FHAD1: variants seen among roughly 807,000 people sequenced by gnomAD.
The protein encoded by FHAD1 is forkhead associated phosphopeptide binding domain 1.
In FHAD1, 146 loss-of-function variants were observed where a neutral mutation model predicts 191.3. The ratio of observed to expected loss-of-function variants is 0.76; its 90% CI spans 0.67 to 0.88. The LOEUF (loss-of-function observed/expected upper bound fraction) is 0.88. Ranked by LOEUF, FHAD1 falls within the 40% of genes least tolerant of loss-of-function variation. FHAD1 has a pLI of 0.00. For synonymous variants in FHAD1, 616 were observed against 672.3 expected (o/e 0.92, Z 1.29); for missense variants, 1,635 against 1,785.8 (o/e 0.92, Z 1.52).
intron 6 of FHAD1, 119 bp from the exon 7 acceptor site, chr1:15,308,493 GT>G (rs1671240358): frequency 7.2e-7 from 1 of 1,392,586 alleles, no homozygotes; most frequent in Non-Finnish European, 9.6e-7. Context: ...AAAAAGCTTG[GT>G]TTCCCCAACA....
At position 15,313,096 on chromosome 1, in the gene FHAD1, A is replaced by T. The variant is rs1296681448; in HGVS notation, c.1079A>T (p.Asp360Val). 1 of 1,551,794 alleles carries T rather than the reference A, an allele frequency of 6.4e-7. No individual in the cohort carries two copies. The highest frequency in any genetic ancestry group is 2.0e-5 in the Admixed American group (1 of 51,006). Residue 360 changes from aspartate to valine, a missense_variant, in exon 8 of 34, where the codon GAT becomes GTT. Coordinates refer to ENST00000688493, the MANE Select transcript of FHAD1 (RefSeq NM_001391957.1). ...SSLQKDILAK[D>V]EQVQQLKEEV... is the part of the protein sequence containing the mutation. ...TTGCAAAAAGACATATTAGCAAAGGATGAGCAAGTTCAACAACTAAAGGAA... is the reference window on the plus strand; with the variant it reads ...TTGCAAAAAGACATATTAGCAAAGGTTGAGCAAGTTCAACAACTAAAGGAA...
chr1:15,352,308 A>G (rs1049258502), intron 19 of FHAD1, among the ~76,000 whole-genome samples: 7 of 152,186 alleles, frequency 4.6e-5, no homozygotes, highest in African/African-American at 1.4e-4. Flanking sequence ...CAGGGCGTGT[A>G]CAGGTGAGTC....
chr1:15,313,374 C>T (rs892537104), intron 8 of FHAD1, among the ~76,000 whole-genome samples, 187 bp downstream of exon 8: 13 of 152,120 alleles, frequency 8.5e-5, no homozygotes, highest in Non-Finnish European at 1.3e-4. Context: ...GAAATGCCTA[C>T]CTAGAAAAAC....
intron 19 of FHAD1, among the ~76,000 whole-genome samples, chr1:15,351,487 T>G (rs72643647): frequency 0.058 from 8,791 of 152,308 alleles, 313 homozygotes; most frequent in Non-Finnish European, 0.086. Flanking sequence ...TTCCTGGTGC[T>G]GTGACCTTGG....
downstream of FHAD1, among the ~76,000 whole-genome samples, chr1:15,401,111 A>C: frequency 6.6e-6 from 1 of 152,174 alleles, no homozygotes; most frequent in Non-Finnish European, 1.5e-5. Flanking sequence ...TGTATCACTC[A>C]AGATCCCTTG....
In FHAD1 at chr1:15,367,641, G is replaced by T; in HGVS notation, c.3314+19G>T. The T allele has an allele frequency of 1.1e-4, 164 of 1,461,032 alleles. No individual in the cohort carries two copies. Among genetic ancestry groups the T allele is most frequent in the Middle Eastern group, 2.5e-4 (1 of 4,068 alleles). 90.5% of individuals were successfully genotyped at this position (1,461,032 alleles called of 1,614,324 possible). On this transcript the variant is annotated intron_variant, in intron 25 of 33. Coordinates refer to ENST00000688493, the MANE Select transcript of FHAD1 (RefSeq NM_001391957.1). ...CACTCAGGTTGGGTGGGCGGGGGCC[G>T]GGTTGGGGGGATGGTTTGCCTGCCG...
chr1:15,324,666 G>C (rs1182003865), intron 11 of FHAD1, 107 bp downstream of exon 11: 5 of 764,444 alleles, frequency 6.5e-6, no homozygotes, highest in South Asian at 1.6e-5. Context: ...AAAGACAGAC[G>C]TGCGTTAATT....
chr1:15,314,635 G>GGGGGTGTA (rs1673463498), intron 8 of FHAD1: 4 of 27,454 alleles, frequency 1.5e-4, no homozygotes, highest in Admixed American at 5.4e-4. Context: ...GAGGATGTAT[G>GGGGGTGTA]TGGGTGTGTG....
At chr1:15,300,021 C>G (rs74435779) in intron 5 of FHAD1, among the ~76,000 whole-genome samples, 1 of 152,218 alleles carries the variant, frequency 6.6e-6, no homozygotes, top group African/African-American at 2.4e-5. Flanking sequence ...ACTGCCCACC[C>G]GCTTCCTTCC....
intron 2 of FHAD1, among the ~76,000 whole-genome samples, chr1:15,268,221 C>G (rs1654407436): frequency 6.8e-6 from 1 of 146,174 alleles, no homozygotes; most frequent in Non-Finnish European, 1.5e-5. Context: ...GTTCAATTCC[C>G]ACCTATGAGT....
At chr1:15,278,426 TG>T (rs1366380996) in intron 3 of FHAD1, among the ~76,000 whole-genome samples, 1 of 150,506 alleles carries the variant, frequency 6.6e-6, no homozygotes, top group Non-Finnish European at 1.5e-5. Flanking sequence ...CTTAGTTAAC[TG>T]AGGAATAGGA....
rs1663577955 is a variant in FHAD1 at position 15,289,142 on chromosome 1, G to A, written c.301-257G>A. 1.3e-5 allele frequency among the ~76,000 whole-genome samples: 2 copies of A among 152,136 alleles called. No individual in the cohort carries two copies. The highest frequency in any genetic ancestry group is 4.1e-4 in the South Asian group (2 of 4,832). On this transcript the variant is annotated intron_variant, in intron 3 of 33. Coordinates refer to ENST00000688493, the MANE Select transcript of FHAD1 (RefSeq NM_001391957.1). The surrounding 1 kb of genome is among the most constrained non-coding windows in gnomAD (Gnocchi z 4.2). ...TGGGACTACAGGCATAGGCCACAAGGCCCAGCTAATTTTTGAATTTTTGGT... is the reference window on the plus strand; with the variant it reads ...TGGGACTACAGGCATAGGCCACAAGACCCAGCTAATTTTTGAATTTTTGGT...
In FHAD1 at chr1:15,251,074, T is replaced by C. The variant is rs1573630886; in HGVS notation, c.-14-697T>C. Among the ~76,000 whole-genome samples the C allele has an allele frequency of 3.3e-5, 5 of 152,042 alleles. No homozygotes were observed. The South Asian group carries it at 1.0e-3, about 32-fold the overall frequency. On this transcript the variant is annotated intron_variant, in intron 1 of 33. Coordinates refer to ENST00000688493, the MANE Select transcript of FHAD1 (RefSeq NM_001391957.1). ...GGGAGGCCAAGGCAGGAGGATTACT[T>C]GAGCTCAAGAGTTTGAGACTAGCCT...
At chr1:15,308,842 C>T in intron 7 of FHAD1, 106 bp downstream of exon 7, 2 of 1,491,842 alleles carry the variant, frequency 1.3e-6, no homozygotes, top group Non-Finnish European at 1.8e-6. Flanking sequence ...CTGAACTTGG[C>T]TGCAGCCTCA....
At chr1:15,360,327 G>A in intron 21 of FHAD1, 151 bp from the exon 22 acceptor site, 1 of 642,284 alleles carries the variant, frequency 1.6e-6, no homozygotes, top group Non-Finnish European at 2.7e-6. Context: ...CAAGGAGCTG[G>A]GGAAGAAGTG....
At chr1:15,402,652 C>T (rs1308243606), downstream of FHAD1, among the ~76,000 whole-genome samples, 3 of 152,162 alleles carry the variant, frequency 2.0e-5, no homozygotes, top group East Asian at 5.8e-4. Context: ...CAGACAATAT[C>T]CCACTTCATC....
At chr1:15,277,463 G>A (rs554157972) in intron 3 of FHAD1, among the ~76,000 whole-genome samples, 2 of 152,258 alleles carry the variant, frequency 1.3e-5, no homozygotes, top group African/African-American at 4.8e-5. Context: ...ACAGGCCTTT[G>A]GGACCATCCC....
chr1:15,374,545 G>C lies in FHAD1; in HGVS notation c.3491G>C (p.Arg1164Pro). ...CTAGGGGTCAGGTGCAAAGGGTCCC[G>C]GCACGAGGAGGTCATTCAGCGTCAG... ...SDLGVRCKGSRHEEVIQRQKK... is the reference protein window; with the variant it reads ...SDLGVRCKGSPHEEVIQRQKK... The change falls in exon 27 of 34, where the codon CGG (arginine) becomes CCG (proline). Residue 1164 changes from arginine (R) to proline (P), a missense_variant. Physicochemically the swap from Arg to Pro is moderately radical, Grantham distance 103 (BLOSUM62 -2). Transcript: ENST00000688493. 1 of 1,551,742 alleles carries C rather than the reference G, an allele frequency of 6.4e-7. No homozygotes were observed. The highest frequency in any genetic ancestry group is 1.7e-4 in the Middle Eastern group (1 of 5,992).
chr1:15,390,878 C>T (rs866479857), intron 32 of FHAD1, among the ~76,000 whole-genome samples: 27 of 152,212 alleles, frequency 1.8e-4, no homozygotes, highest in Middle Eastern at 3.4e-3. Flanking sequence ...GGCGCTGCCT[C>T]GAGCTAAAAC....
Sources: gnomAD v4.1 joint callset for allele counts (sites outside exome capture counted in the v4.1 genomes callset) on GRCh38, gnomAD v4.1.1 for gene constraint, Gnocchi (gnomAD v3.1) non-coding constraint, MANE v1.5 for transcripts, NCBI Gene and HGNC (gene_info 2026-07-23, HGNC 2026-07-21) for gene names.